ANK3: variants seen among roughly 807,000 people sequenced by gnomAD.
The protein encoded by ANK3 is ankyrin 3, also known as ankyrin-3.
A neutral mutation model predicts 370.9 loss-of-function variants in ANK3; 57 were observed. The ratio of observed to expected loss-of-function variants is 0.15; its 90% CI spans 0.12 to 0.19. ANK3 has a LOEUF of 0.19. Among genes scored for constraint, ANK3 ranks in the 10% least tolerant of loss-of-function variants. ANK3 has a pLI of 1.00. For missense variants in ANK3, 4,439 were observed against 5,302.1 expected, an observed-to-expected ratio of 0.84 and a Z score of 5.06; for synonymous variants, 1,929 against 1,946.3, an observed-to-expected ratio of 0.99 and a Z score of 0.23.
chr10:60,332,427 G>A (rs993817633), intron 1 of ANK3, among the ~76,000 whole-genome samples: 9 of 152,144 alleles, frequency 5.9e-5, no homozygotes, highest in African/African-American at 2.2e-4. Context: ...TGAGTATGTA[G>A]GTGTTGGCGC....
At chr10:60,680,567 C>T (rs2079182152) in intron 1 of ANK3, among the ~76,000 whole-genome samples, 1 of 152,180 alleles carries the variant, frequency 6.6e-6, no homozygotes, top group Admixed American at 6.5e-5. Context: ...TTCACTCTAC[C>T]TCCTCTTCCT....
intron 23 of ANK3, among the ~76,000 whole-genome samples, chr10:60,141,571 T>TTTTTTG (rs2094564637): frequency 8.3e-6 from 1 of 120,990 alleles, no homozygotes. Context: ...GTTTTTTTTT[T>TTTTTTG]TTTTTTTTTT....
chr10:60,209,152 G>A (rs1359131939), intron 9 of ANK3, among the ~76,000 whole-genome samples: 3 of 152,068 alleles, frequency 2.0e-5, no homozygotes, highest in Non-Finnish European at 4.4e-5. Context: ...GGGGAGCCTG[G>A]GAAATTCCTA....
chr10:60,514,790 A>T (rs866738282), intron 2 of ANK3, among the ~76,000 whole-genome samples: 3 of 152,258 alleles, frequency 2.0e-5, no homozygotes, highest in Non-Finnish European at 2.9e-5. Flanking sequence ...AAACTAGTGA[A>T]TATGTTTCCA....
intron 2 of ANK3, among the ~76,000 whole-genome samples, chr10:60,503,900 AT>A (rs2075868419): frequency 6.6e-6 from 1 of 152,090 alleles, no homozygotes; most frequent in Non-Finnish European, 1.5e-5. Context: ...TATATGCGTT[AT>A]TTTTCCCAAG....
chr10:60,637,847 A>G (rs1210092254), intron 1 of ANK3, among the ~76,000 whole-genome samples: 1 of 152,210 alleles, frequency 6.6e-6, no homozygotes, highest in African/African-American at 2.4e-5. Flanking sequence ...TAAATTAAAG[A>G]ATATTTGTAA....
At position 60,541,995 on chromosome 10, in the gene ANK3, A is replaced by C. The variant is rs780858844; in HGVS notation, c.96+73191T>G. Among the ~76,000 whole-genome samples, 10 of 151,910 alleles carry C rather than the reference A, an allele frequency of 6.6e-5. 1 individual carries two copies. The highest frequency in any genetic ancestry group is 1.0e-4 in the Non-Finnish European group (7 of 67,892). On this transcript the variant is annotated intron_variant, in intron 2 of 43. Transcript: ENST00000373827. ...TGCTTCCTTGGGACTGAGCTGCCAT[A>C]GATTAGCGTGCTCTTAATTTGTAAA...
chr10:60,282,081 A>G (rs1184445177), intron 1 of ANK3, among the ~76,000 whole-genome samples: 3 of 152,166 alleles, frequency 2.0e-5, no homozygotes, highest in African/African-American at 7.2e-5. Context: ...GTAAAATATC[A>G]TCTTCTTTGT....
At chr10:60,237,261 C>A (rs114798263) in intron 7 of ANK3, among the ~76,000 whole-genome samples, 1 of 152,124 alleles carries the variant, frequency 6.6e-6, no homozygotes, top group Non-Finnish European at 1.5e-5. Context: ...GTGACCCAAG[C>A]GGCACAGTGG....
intron 1 of ANK3, among the ~76,000 whole-genome samples, chr10:60,643,336 C>G (rs202149089): frequency 6.6e-6 from 1 of 152,126 alleles, no homozygotes; most frequent in East Asian, 1.9e-4. Context: ...ACTGGCCTAG[C>G]CTCCCAGCCT....
intron 2 of ANK3, among the ~76,000 whole-genome samples, chr10:60,437,291 T>C (rs1225785066): frequency 6.6e-6 from 1 of 151,206 alleles, no homozygotes; most frequent in Non-Finnish European, 1.5e-5. Flanking sequence ...TATGAAGGAT[T>C]AAAAAAAAAT....
At chr10:60,255,572 C>G (rs554195333) in intron 7 of ANK3, among the ~76,000 whole-genome samples, 33 of 152,240 alleles carry the variant, frequency 2.2e-4, no homozygotes, top group African/African-American at 7.7e-4. Flanking sequence ...AGTGGAAGTA[C>G]AGGCTGTGAT....
At chr10:60,185,948 G>C (rs538124802) in intron 17 of ANK3, among the ~76,000 whole-genome samples, 10 of 152,246 alleles carry the variant, frequency 6.6e-5, no homozygotes, top group Admixed American at 5.9e-4. Context: ...GAAGAGTTTA[G>C]GGAACAGTCT....
intron 1 of ANK3, among the ~76,000 whole-genome samples, chr10:60,360,957 G>T (rs2058509134): frequency 6.6e-6 from 1 of 152,058 alleles, no homozygotes; most frequent in African/African-American, 2.4e-5. Flanking sequence ...AAAGATTGGT[G>T]AAAATGAAAA....
At position 60,168,644 on chromosome 10, in the gene ANK3, C is replaced by G. The variant is rs1227826260; in HGVS notation, c.2479-1748G>C. ...CATGGTGGTTTACTGCACCTATGAA[C>G]CCATCACCTAGGTATTAAGCCTCGC... On this transcript the variant is annotated intron_variant, in intron 21 of 43. Transcript: ENST00000280772. Among the ~76,000 whole-genome samples, 3 of 152,062 alleles carry G rather than the reference C, an allele frequency of 2.0e-5. No individual in the cohort carries two copies. The East Asian group carries it at 5.8e-4, about 29-fold the overall frequency.
chr10:60,350,086 C>T (rs762822530), intron 1 of ANK3, among the ~76,000 whole-genome samples: 5 of 152,062 alleles, frequency 3.3e-5, no homozygotes, highest in Non-Finnish European at 2.9e-5. Context: ...AGGCACTACA[C>T]GAAGGAGAGG....
At chr10:60,524,271 A>C (rs180780906) in intron 2 of ANK3, among the ~76,000 whole-genome samples, 1 of 152,254 alleles carries the variant, frequency 6.6e-6, no homozygotes, top group Non-Finnish European at 1.5e-5. Flanking sequence ...AAGTCTGAGA[A>C]ACACTAGGTT....
intron 1 of ANK3, among the ~76,000 whole-genome samples, chr10:60,382,877 A>G (rs1273170078): frequency 6.7e-6 from 1 of 150,052 alleles, no homozygotes; most frequent in Non-Finnish European, 1.5e-5. Context: ...TTAAAATTTT[A>G]AATGCAGAAG....
chr10:60,708,271 T>C (rs1589058116), intron 1 of ANK3, among the ~76,000 whole-genome samples: 2 of 152,214 alleles, frequency 1.3e-5, no homozygotes, highest in African/African-American at 2.4e-5. Context: ...CCTGCCTACC[T>C]ACAGAGAAAT....
Sources: gnomAD v4.1 joint callset for allele counts (sites outside exome capture counted in the v4.1 genomes callset) on GRCh38, gnomAD v4.1.1 for gene constraint, MANE v1.5 for transcripts, NCBI Gene and HGNC (gene_info 2026-07-23, HGNC 2026-07-21) for gene names.